TPD52: variants seen among roughly 807,000 people sequenced by gnomAD.
TPD52 encodes the protein prostate and colon associated protein.
Under a neutral mutation model 31.3 loss-of-function variants are expected in TPD52, and 17 were observed. The observed-to-expected ratio is 0.54, with a 90% CI of 0.37 to 0.82. The LOEUF is 0.82. TPD52 is among the 40% of genes least tolerant of loss of function. The probability of loss-of-function intolerance (pLI) is 0.00; values close to 1 mark genes in which losing one functional copy is unlikely to be tolerated. For missense variants in TPD52, 212 were observed against 240.1 expected, an observed-to-expected ratio of 0.88 and a Z score of 0.77; for synonymous variants, 83 against 89.6, an observed-to-expected ratio of 0.93 and a Z score of 0.42.
chr8:80,139,086 C>G (rs1247683772), intron 1 of TPD52, among the ~76,000 whole-genome samples: 1 of 152,136 alleles, frequency 6.6e-6, no homozygotes, highest in East Asian at 1.9e-4. Context: ...CACTTCCACT[C>G]TCATCTATTT....
chr8:80,136,211 T>C (rs1809398370), intron 1 of TPD52, among the ~76,000 whole-genome samples: 2 of 124,298 alleles, frequency 1.6e-5, no homozygotes, highest in South Asian at 2.6e-4. Context: ...CACACACACA[T>C]TTAAACAAAA....
intron 1 of TPD52, among the ~76,000 whole-genome samples, chr8:80,138,308 T>TA (rs1809583296): frequency 6.6e-6 from 1 of 152,196 alleles, no homozygotes; most frequent in African/African-American, 2.4e-5. Flanking sequence ...TGTTTGACAA[T>TA]AAGAGGCCAA....
chr8:80,123,267 T>C (rs902278242), intron 1 of TPD52, among the ~76,000 whole-genome samples: 1 of 152,324 alleles, frequency 6.6e-6, no homozygotes, highest in East Asian at 1.9e-4. Flanking sequence ...TGAGCTAGGA[T>C]GCTGGTGGCT....
intron 1 of TPD52, among the ~76,000 whole-genome samples, chr8:80,068,388 G>T (rs1293531814): frequency 6.6e-6 from 1 of 152,144 alleles, no homozygotes; most frequent in Non-Finnish European, 1.5e-5. Flanking sequence ...AAGGAAACAG[G>T]GCCTAGTCTT....
At chr8:80,155,362 C>T (rs79741445) in intron 1 of TPD52, among the ~76,000 whole-genome samples, 2,508 of 152,130 alleles carry the variant, frequency 0.016, 69 homozygotes, top group African/African-American at 0.056. Context: ...AAGAAATTTA[C>T]GAAGAAGATT....
intron 1 of TPD52, among the ~76,000 whole-genome samples, chr8:80,092,944 G>A (rs1245235551): frequency 2.0e-5 from 3 of 151,964 alleles, no homozygotes; most frequent in African/African-American, 4.8e-5. Context: ...CCAAGGAAGT[G>A]TACATTTCAA....
chr8:80,039,845 C>T (rs1810207579), intron 7 of TPD52, among the ~76,000 whole-genome samples: 1 of 152,274 alleles, frequency 6.6e-6, no homozygotes, highest in East Asian at 1.9e-4. Context: ...ACCTTCCCTT[C>T]CACCAAGCCA....
At chr8:80,059,542 T>C (rs1256242561) in intron 2 of TPD52, among the ~76,000 whole-genome samples, 1 of 151,452 alleles carries the variant, frequency 6.6e-6, no homozygotes, top group Non-Finnish European at 1.5e-5. Context: ...AGATCAACAG[T>C]GCATTAAGGG....
intron 5 of TPD52, among the ~76,000 whole-genome samples, chr8:80,045,208 T>C (rs1168923159): frequency 6.6e-6 from 1 of 152,186 alleles, no homozygotes; most frequent in Non-Finnish European, 1.5e-5. Flanking sequence ...CTGGGAGGAA[T>C]TTGATAATTC....
chr8:80,064,744 A>C, intron 1 of TPD52, 151 bp from the exon 2 acceptor site: 1 of 707,022 alleles, frequency 1.4e-6, no homozygotes, highest in Non-Finnish European at 2.6e-6. Context: ...TTTCTCAGCA[A>C]AGGACAAAAG....
intron 1 of TPD52, among the ~76,000 whole-genome samples, chr8:80,126,089 T>C (rs1485564202): frequency 6.6e-6 from 1 of 152,162 alleles, no homozygotes; most frequent in East Asian, 1.9e-4. Context: ...ATTTATGGAG[T>C]CTGTAAAATT....
chr8:80,117,722 TTTTTTTTCTTTC>T (rs1278108726), intron 1 of TPD52, among the ~76,000 whole-genome samples: 1 of 134,048 alleles, frequency 7.5e-6, no homozygotes, highest in African/African-American at 3.2e-5. Flanking sequence ...CATGCTTTCT[TTTTTTTTCTTTC>T]TTTTTTTTTT....
At chr8:80,111,998 T>G (rs529995835) in intron 1 of TPD52, among the ~76,000 whole-genome samples, 54 of 152,390 alleles carry the variant, frequency 3.5e-4, no homozygotes, top group Middle Eastern at 3.4e-3. Context: ...AAACATTAAT[T>G]GGCTCATATT....
In TPD52 at chr8:80,035,587, A is replaced by G. The variant is rs1809844763; in HGVS notation, c.*2529T>C. 1 of 152,232 alleles carries G rather than the reference A, an allele frequency of 6.6e-6. No homozygotes were observed. Among genetic ancestry groups the G allele is most frequent in the Admixed American group, 6.5e-5 (1 of 15,280 alleles). 9.4% of individuals were successfully genotyped at this position (152,232 alleles called of 1,614,324 possible). On this transcript the variant is annotated 3_prime_UTR_variant, in exon 8 of 8. Coordinates refer to ENST00000518937, the MANE Select transcript of TPD52 (RefSeq NM_001025253.3). ...GCATATCTTAACAGATCCAGATCCA[A>G]ATTAAATACTTTTTTTCTATTTCAA... is the stretch of plus-strand genomic sequence containing the variant.
At chr8:80,060,593 C>T (rs1447761555) in intron 2 of TPD52, among the ~76,000 whole-genome samples, 4 of 149,762 alleles carry the variant, frequency 2.7e-5, no homozygotes, top group Admixed American at 6.6e-5. Context: ...GAATATCCAG[C>T]AGCATATTAA....
intron 1 of TPD52, among the ~76,000 whole-genome samples, chr8:80,153,999 T>C (rs1337524592): frequency 6.6e-6 from 1 of 152,188 alleles, no homozygotes; most frequent in African/African-American, 2.4e-5. Context: ...CATCCCTCCC[T>C]ATGCGCCCTT....
At chr8:80,073,588 G>A (rs1237628892) in intron 1 of TPD52, among the ~76,000 whole-genome samples, 2 of 152,182 alleles carry the variant, frequency 1.3e-5, no homozygotes, top group African/African-American at 4.8e-5. Flanking sequence ...CAGGATCTCT[G>A]ATGCACAGTG....
intron 1 of TPD52, among the ~76,000 whole-genome samples, chr8:80,101,734 G>A (rs951786984): frequency 6.6e-6 from 1 of 152,068 alleles, no homozygotes. Flanking sequence ...GCTCTCGTGT[G>A]AACCAACCGG....
intron 1 of TPD52, among the ~76,000 whole-genome samples, chr8:80,121,743 A>G (rs1808272713): frequency 1.3e-5 from 2 of 152,206 alleles, no homozygotes; most frequent in Non-Finnish European, 2.9e-5. Flanking sequence ...TTCACGACGC[A>G]AAACCTGCAT....
Sources: gnomAD v4.1 joint callset for allele counts (sites outside exome capture counted in the v4.1 genomes callset) on GRCh38, gnomAD v4.1.1 for gene constraint, MANE v1.5 for transcripts, NCBI Gene and HGNC (gene_info 2026-07-23, HGNC 2026-07-21) for gene names.